The following PSG2 variants were observed in gnomAD, a reference collection of about 807,000 sequenced individuals.
PSG2 encodes the protein pregnancy specific beta-1-glycoprotein 2, also known as pregnancy-specific beta-1-glycoprotein 2.
Under a neutral mutation model 36.2 loss-of-function variants are expected in PSG2, and 49 were observed. The ratio of observed to expected loss-of-function variants is 1.35; its 90% confidence interval spans 1.08 to 1.72. PSG2 has a LOEUF of 1.72. Ranked by LOEUF, PSG2 falls within the 40% of genes most tolerant of loss-of-function variation. The probability of loss-of-function intolerance (pLI) is 0.00; values close to 1 mark genes in which losing one functional copy is unlikely to be tolerated. For synonymous variants in PSG2, 261 were observed against 155.6 expected, an observed-to-expected ratio of 1.68 and a Z score of -5.04; for missense variants, 605 against 407.2, an observed-to-expected ratio of 1.49 and a Z score of -4.18.
intron 4 of PSG2, among the ~76,000 whole-genome samples, chr19:43,068,412 C>T (rs922946883): frequency 5.4e-5 from 8 of 149,500 alleles, no homozygotes; most frequent in Non-Finnish European, 1.2e-4. Flanking sequence ...GTATTCCATC[C>T]TGGGCTGGCC....
At chr19:43,067,460 A>G (rs1182805538) in intron 4 of PSG2, among the ~76,000 whole-genome samples, 3 of 151,376 alleles carry the variant, frequency 2.0e-5, no homozygotes, top group Middle Eastern at 3.4e-3. Flanking sequence ...ATATATATAT[A>G]TATGGAAAAA....
chr19:43,081,282 C>T (rs751412541), intron 1 of PSG2, 36 bp from the exon 2 acceptor site: 2 of 1,589,140 alleles, frequency 1.3e-6, no homozygotes, highest in Non-Finnish European at 8.6e-7. Flanking sequence ...AATATTGAGA[C>T]CTATGTATTG....
At chr19:43,077,536 C>T (rs1438130947) in intron 2 of PSG2, among the ~76,000 whole-genome samples, 2 of 151,744 alleles carry the variant, frequency 1.3e-5, no homozygotes, top group Non-Finnish European at 1.5e-5. Flanking sequence ...AAGTGAGATG[C>T]CAATGGCTCA....
In PSG2 at chr19:43,065,852, G is replaced by C. The variant is rs188924842; in HGVS notation, c.*40+665C>G. ...ACATGTTGCTTGTGATGAAGGGTGT[G>C]GTTAAGTCTGCAGTGCAGATGGTTG... On this transcript the variant is annotated intron_variant, in intron 5 of 5. Coordinates refer to ENST00000406487, the MANE Select transcript of PSG2 (RefSeq NM_031246.4). 139 of 151,914 alleles carry C rather than the reference G, an allele frequency of 9.1e-4. 3 individuals carry two copies. The highest frequency in any genetic ancestry group is 7.8e-4 in the East Asian group (4 of 5,160). The allele number at this position is 151,914 out of a possible 1,614,324, so 9.4% of individuals were successfully genotyped here.
chr19:43,072,190 GGCTGT>G (rs762900322), intron 3 of PSG2, among the ~76,000 whole-genome samples: 4 of 151,646 alleles, frequency 2.6e-5, no homozygotes, highest in Admixed American at 2.0e-4. Flanking sequence ...TCTTGGTTAA[GGCTGT>G]GCCTACCCAG....
Position 43,075,363 on chromosome 19 carries a change from T to C in PSG2, c.700A>G (p.Asn234Asp), listed in dbSNP as rs1436833348. ...SASRSDPVTLNLLHGPDLPRI... is the reference protein window; with the variant it reads ...SASRSDPVTLDLLHGPDLPRI... ...AACAGAAGATACTCACGGAGGAGAT[T>C]CAGGGTGACTGGGTCACTGCGGCTG... is the stretch of plus-strand genomic sequence containing the variant. The change falls in exon 3 of 6, where the codon AAT (asparagine) becomes GAT (aspartate). Residue 234 changes from asparagine to aspartate, a missense_variant. Physicochemically the swap from Asn to Asp is conservative, Grantham distance 23. Coordinates refer to ENST00000406487, the MANE Select transcript of PSG2 (RefSeq NM_031246.4). 6.2e-7 allele frequency: 1 copy of C among 1,613,030 alleles called. No homozygotes were observed. Among genetic ancestry groups the C allele is most frequent in the Non-Finnish European group, 8.5e-7 (1 of 1,179,624 alleles).
Position 43,080,880 on chromosome 19 carries a change from C to T in PSG2, c.430+1G>A, listed in dbSNP as rs149190281. 50 of 1,611,772 alleles carry T rather than the reference C, an allele frequency of 3.1e-5. No individual in the cohort carries two copies. Among genetic ancestry groups the T allele is most frequent in the Admixed American group, 1.7e-4 (10 of 59,916 alleles). On this transcript the variant is annotated splice_donor_variant, in intron 2 of 5. Coordinates refer to ENST00000406487, the MANE Select transcript of PSG2 (RefSeq NM_031246.4). LOFTEE classifies it high-confidence loss of function. ...CCCAGGGATCATGTGGAATCACTTA[C>T]GGTATAAGGTGAAGGTGAAATATCC...
At position 43,081,220 on chromosome 19, in the gene PSG2, G is replaced by A. The variant is rs1185717951; in HGVS notation, c.91C>T (p.Pro31Ser). 4 of 1,612,456 alleles carry A rather than the reference G, an allele frequency of 2.5e-6. No individual in the cohort carries two copies. In the South Asian group the frequency reaches 3.3e-5, roughly 13 times the overall value. The change falls in exon 2 of 6, where the codon CCC becomes TCC. Residue 31 changes from proline (P) to serine (S), a missense_variant. Transcript: ENST00000406487. The part of the protein sequence containing the change: ...TASLLNFWNL[P>S]TTAQVTIEAQ... Reference sequence around the variant, plus strand: ...TCAATCGTGACTTGGGCAGTGGTGGGCAGGTTCCAGAAGTTTAAAAGTGAT... The same window carrying A: ...TCAATCGTGACTTGGGCAGTGGTGGACAGGTTCCAGAAGTTTAAAAGTGAT...
At chr19:43,072,642 CAG>C (rs753574241) in intron 3 of PSG2, 17 of 1,610,396 alleles carry the variant, frequency 1.1e-5, no homozygotes, top group African/African-American at 2.7e-5. Context: ...GTGTGGATAA[CAG>C]AGAGAAGATT....
In PSG2 at chr19:43,066,593, T is replaced by C; in HGVS notation, c.972A>G (p.Thr324=). ...TSLTVKVSAS[T]RIGLLPLLNP... is the part of the protein sequence containing the mutation. Reference sequence around the variant, plus strand: ...TAAGGAGAGGAAGAAGTCCTATTCTTGTAGAAGCTGTCATGGAAAGAAAAG... The same window carrying C: ...TAAGGAGAGGAAGAAGTCCTATTCTCGTAGAAGCTGTCATGGAAAGAAAAG... The change falls in exon 5 of 6, where the codon ACA becomes ACG. Residue 324 remains threonine (T), a synonymous_variant. Coordinates refer to ENST00000406487, the MANE Select transcript of PSG2 (RefSeq NM_031246.4). 5 of 1,599,114 alleles carry C rather than the reference T, an allele frequency of 3.1e-6. No homozygotes were observed. Among genetic ancestry groups the C allele is most frequent in the Non-Finnish European group, 4.3e-6 (5 of 1,167,046 alleles).
chr19:43,065,241 A>T (rs1967724302), intron 5 of PSG2, among the ~76,000 whole-genome samples: 1 of 151,654 alleles, frequency 6.6e-6, no homozygotes. Flanking sequence ...ATATAAAATA[A>T]GGTGGCTTTT....
At chr19:43,082,125 T>TTTC (rs1967988315) in intron 1 of PSG2, 2 of 24,334 alleles carry the variant, frequency 8.2e-5, no homozygotes, top group Non-Finnish European at 1.2e-4. Context: ...CTTCTCTCTT[T>TTTC]TTTTTTTTTT....
chr19:43,064,673 G>A (rs1448789009), intron 5 of PSG2, 72 bp from the exon 6 acceptor site: 2 of 536,536 alleles, frequency 3.7e-6, no homozygotes, highest in Admixed American at 5.9e-5. Context: ...CAACTGTCTG[G>A]GAATGACAGA....
At chr19:43,078,560 G>A (rs1268429977) in intron 2 of PSG2, among the ~76,000 whole-genome samples, 4 of 151,536 alleles carry the variant, frequency 2.6e-5, no homozygotes, top group Non-Finnish European at 5.9e-5. Context: ...CTACCTAGAG[G>A]CGGATTCCAG....
chr19:43,067,731 T>A (rs527334942), intron 4 of PSG2, among the ~76,000 whole-genome samples: 2 of 151,552 alleles, frequency 1.3e-5, no homozygotes, highest in South Asian at 2.1e-4. Flanking sequence ...CATTGGTTCC[T>A]CTGTGTGTGG....
Position 43,071,804 on chromosome 19 carries a change from A to ACT in PSG2, c.859_860insAG (p.Phe287Ter), listed in dbSNP as rs779243504. 6.2e-7 allele frequency: 1 copy of ACT among 1,613,034 alleles called. No homozygotes were observed. Among genetic ancestry groups the ACT allele is most frequent in the Admixed American group, 1.7e-5 (1 of 59,962 alleles). The change falls in exon 4 of 6, where the codon TTT becomes TAGTT. Residue 287 changes from phenylalanine to a stop codon, truncating the protein, a stop_gained and frameshift_variant. Transcript: ENST00000406487. LOFTEE classifies it high-confidence loss of function. Reference sequence around the variant, plus strand: ...ATGCTTTGTAGTAATTTGGGGGATAAACAGATTTTGTCCTGATTGCTGAAA... The same window carrying ACT: ...ATGCTTTGTAGTAATTTGGGGGATAACTACAGATTTTGTCCTGATTGCTGAAA... ...GKFQQSGQNLFIPQITTKHSG... is the reference protein window; with the variant it reads ...GKFQQSGQNL
intron 4 of PSG2, among the ~76,000 whole-genome samples, chr19:43,068,455 C>CAAAAAA (rs558588522): frequency 1.2e-5 from 1 of 81,796 alleles, no homozygotes; most frequent in Admixed American, 1.4e-4. Context: ...CTCTTTTCAA[C>CAAAAAA]AAAAAAAAAA....
intron 3 of PSG2, chr19:43,072,778 A>G: frequency 2.7e-6 from 4 of 1,457,694 alleles, no homozygotes; most frequent in Admixed American, 4.2e-5. Flanking sequence ...AGACAGATGC[A>G]TGATGATCTA....
intron 4 of PSG2, among the ~76,000 whole-genome samples, chr19:43,067,667 T>C (rs1190142923): frequency 6.6e-6 from 1 of 151,312 alleles, no homozygotes; most frequent in Admixed American, 6.6e-5. Flanking sequence ...GAGATTTCAT[T>C]CTAGGACTAT....
Sources: allele counts gnomAD v4.1 joint callset (sites outside exome capture counted in the v4.1 genomes callset), GRCh38; gene constraint gnomAD v4.1.1; transcripts MANE v1.5; gene names NCBI Gene and HGNC (gene_info 2026-07-23, HGNC 2026-07-21).